PRKD1: variants seen among roughly 807,000 people sequenced by gnomAD.
PRKD1 encodes protein kinase D1.
A neutral mutation model predicts 95.9 loss-of-function variants in PRKD1; 63 were observed. The ratio of observed to expected loss-of-function variants is 0.66; its 90% CI spans 0.54 to 0.81. PRKD1 has a LOEUF of 0.81. Ranked by LOEUF, PRKD1 falls within the 30% of genes least tolerant of loss-of-function variation. PRKD1 has a pLI of 0.00. For synonymous variants in PRKD1, 425 were observed against 423.1 expected, an observed-to-expected ratio of 1.00 and a Z score of -0.05; for missense variants, 1,048 against 1,165.3, an observed-to-expected ratio of 0.90 and a Z score of 1.47.
chr14:29,785,485 A>T (rs1269398019), intron 1 of PRKD1, among the ~76,000 whole-genome samples: 2 of 152,154 alleles, frequency 1.3e-5, no homozygotes, highest in African/African-American at 4.8e-5. Context: ...GTTTGTCTAT[A>T]TATAAGATCA....
chr14:29,648,821 AT>A (rs988644130), intron 4 of PRKD1, among the ~76,000 whole-genome samples: 1 of 151,820 alleles, frequency 6.6e-6, no homozygotes, highest in Non-Finnish European at 1.5e-5. Flanking sequence ...TGCCCAGCTA[AT>A]TTTTTGTATT....
In PRKD1 at chr14:29,927,658, G is replaced by A; in HGVS notation, c.-146C>T. 2.0e-6 allele frequency: 1 copy of A among 489,998 alleles called. No homozygotes were observed. Among genetic ancestry groups the A allele is most frequent in the Non-Finnish European group, 2.8e-6 (1 of 360,626 alleles). The allele number at this position is 489,998 out of a possible 1,614,324, so 30.4% of individuals were successfully genotyped here. On this transcript the variant is annotated 5_prime_UTR_variant, in exon 1 of 18. Transcript: ENST00000331968. ...ACTTTCCGGAAAAGTCCCTGGGCTG[G>A]GGGAGGGCAAGGGGATGAGGATCGG... is the stretch of plus-strand genomic sequence containing the variant.
At chr14:29,765,948 T>TTTCTA (rs1888237007) in intron 1 of PRKD1, among the ~76,000 whole-genome samples, 1 of 152,032 alleles carries the variant, frequency 6.6e-6, no homozygotes, top group African/African-American at 2.4e-5. Flanking sequence ...GACCTGGGGG[T>TTTCTA]GACTGCATGG....
At chr14:29,844,004 T>A (rs986260643) in intron 1 of PRKD1, among the ~76,000 whole-genome samples, 3 of 152,076 alleles carry the variant, frequency 2.0e-5, no homozygotes, top group African/African-American at 7.2e-5. Context: ...ATACTAATAG[T>A]GAGAAAAATA....
intron 2 of PRKD1, among the ~76,000 whole-genome samples, chr14:29,690,224 T>C (rs1884148988): frequency 6.6e-6 from 1 of 152,168 alleles, no homozygotes; most frequent in Admixed American, 6.5e-5. Flanking sequence ...TGAATGTTTA[T>C]ACTCCCCAAG....
At chr14:29,865,143 G>A (rs1045018139) in intron 1 of PRKD1, among the ~76,000 whole-genome samples, 7 of 152,160 alleles carry the variant, frequency 4.6e-5, no homozygotes, top group African/African-American at 1.7e-4. Context: ...TATGCAAGAT[G>A]CAATGGACTC....
At chr14:29,781,144 T>TG (rs1389026501) in intron 1 of PRKD1, among the ~76,000 whole-genome samples, 2 of 54,914 alleles carry the variant, frequency 3.6e-5, no homozygotes, top group African/African-American at 1.5e-4. Flanking sequence ...TGTCGTGGGG[T>TG]GGGGGGAGGG....
At chr14:29,643,164 A>T (rs74683527) in intron 4 of PRKD1, among the ~76,000 whole-genome samples, 4,604 of 151,974 alleles carry the variant, frequency 0.03, 237 homozygotes, top group African/African-American at 0.1. Flanking sequence ...GATCTTTTGT[A>T]AGAATTGACA....
At chr14:29,717,253 A>G (rs1285265252) in intron 2 of PRKD1, among the ~76,000 whole-genome samples, 1 of 152,122 alleles carries the variant, frequency 6.6e-6, no homozygotes, top group Non-Finnish European at 1.5e-5. Flanking sequence ...AATCGTTCCT[A>G]TTTCAAGAAA....
At chr14:29,617,172 T>C (rs1193732372) in intron 13 of PRKD1, among the ~76,000 whole-genome samples, 1 of 152,206 alleles carries the variant, frequency 6.6e-6, no homozygotes, top group African/African-American at 2.4e-5. Flanking sequence ...GGTCTTTATG[T>C]ACCACATGTT....
chr14:29,698,530 C>T (rs1884656439), intron 2 of PRKD1, among the ~76,000 whole-genome samples: 1 of 152,058 alleles, frequency 6.6e-6, no homozygotes, highest in Admixed American at 6.6e-5. Context: ...TACATAAAAA[C>T]CTAACTTTTC....
chr14:29,839,821 G>T (rs1891759722), intron 1 of PRKD1, among the ~76,000 whole-genome samples: 2 of 151,970 alleles, frequency 1.3e-5, no homozygotes, highest in South Asian at 4.2e-4. Flanking sequence ...CTCTATGTTG[G>T]CCCCTTTCAG....
chr14:29,611,998 A>G (rs978391407), intron 13 of PRKD1, among the ~76,000 whole-genome samples: 2 of 152,310 alleles, frequency 1.3e-5, no homozygotes, highest in Admixed American at 6.5e-5. Context: ...TACAGCTTCT[A>G]TATTTAGATG....
At chr14:29,727,029 C>T (rs573917553) in intron 1 of PRKD1, among the ~76,000 whole-genome samples, 353 of 152,052 alleles carry the variant, frequency 2.3e-3, no homozygotes, top group Admixed American at 7.0e-3. Context: ...TGTAAAAGTG[C>T]TCCTGTTTCT....
At chr14:29,762,836 T>C (rs374747627) in intron 1 of PRKD1, among the ~76,000 whole-genome samples, 2 of 152,160 alleles carry the variant, frequency 1.3e-5, no homozygotes, top group South Asian at 2.1e-4. Flanking sequence ...CTCCACCTCC[T>C]GGGTTCCAGC....
intron 16 of PRKD1, among the ~76,000 whole-genome samples, chr14:29,588,830 GTGTT>G (rs762170412): frequency 2.4e-4 from 34 of 140,010 alleles, no homozygotes; most frequent in African/African-American, 9.5e-4. Context: ...GTGTGTGTGT[GTGTT>G]TGTGTCACCA....
intron 1 of PRKD1, among the ~76,000 whole-genome samples, chr14:29,865,634 C>T (rs1892870450): frequency 6.6e-6 from 1 of 152,168 alleles, no homozygotes; most frequent in African/African-American, 2.4e-5. Context: ...TATGTCAATG[C>T]CACGCTCTTA....
Position 29,643,693 on chromosome 14 carries a change from C to A in PRKD1, c.697-4789G>T, listed in dbSNP as rs139311037. 5.3e-3 allele frequency among the ~76,000 whole-genome samples: 806 copies of A among 152,306 alleles called. 5 individuals are homozygous for A. The highest frequency in any genetic ancestry group is 0.018 in the African/African-American group (762 of 41,568). On this transcript the variant is annotated intron_variant, in intron 4 of 17. Transcript: ENST00000331968. Reference sequence around the variant, plus strand: ...AAGGTATATTCCACTTAGCAGTTCACAATGAACTCTCTTCATTAGTTAAGC... The same window carrying A: ...AAGGTATATTCCACTTAGCAGTTCAAAATGAACTCTCTTCATTAGTTAAGC...
chr14:29,709,948 A>G (rs1317014189), intron 2 of PRKD1, among the ~76,000 whole-genome samples: 1 of 152,230 alleles, frequency 6.6e-6, no homozygotes, highest in Non-Finnish European at 1.5e-5. Flanking sequence ...ACACAAAATT[A>G]GCAATCCCAG....
Sources: gnomAD v4.1 joint callset for allele counts (sites outside exome capture counted in the v4.1 genomes callset) on GRCh38, gnomAD v4.1.1 for gene constraint, MANE v1.5 for transcripts, NCBI Gene and HGNC (gene_info 2026-07-23, HGNC 2026-07-21) for gene names.